MAG: variants seen among roughly 807,000 people sequenced by gnomAD.
The protein encoded by MAG is myelin associated glycoprotein.
MAG carries 30 observed loss-of-function variants against 60.7 expected under a neutral mutation model. The ratio of observed to expected loss-of-function variants is 0.49; its 90% CI spans 0.37 to 0.67. MAG has a LOEUF of 0.67. MAG is among the 30% of genes least tolerant of loss of function. MAG has a pLI of 0.00. For missense variants in MAG, 795 were observed against 851.7 expected (o/e 0.93, Z 0.83); for synonymous variants, 384 against 376.8 (o/e 1.02, Z -0.22).
In MAG at chr19:35,309,553, T is replaced by A. The variant is rs115304039; in HGVS notation, c.1232-321T>A. Among the ~76,000 whole-genome samples, 1,425 of 152,250 alleles carry A rather than the reference T, an allele frequency of 9.4e-3. 32 individuals are homozygous for A. The highest frequency in any genetic ancestry group is 0.032 in the African/African-American group (1,348 of 41,540). On this transcript the variant is annotated intron_variant, in intron 7 of 10. Transcript: ENST00000392213. ...CTTCGGCCTCGCAAAGTGCTAGGAT[T>A]ACAGCAGTGAGCCACCATGCCCGGC... is the stretch of plus-strand genomic sequence containing the variant.
intron 6 of MAG, among the ~76,000 whole-genome samples, chr19:35,301,259 T>C (rs2145613751): frequency 6.6e-6 from 1 of 152,234 alleles, no homozygotes; most frequent in East Asian, 1.9e-4. Context: ...TGTATGCACA[T>C]TTATATTACT....
At chr19:35,311,568 C>A (rs2066527306) in intron 9 of MAG, among the ~76,000 whole-genome samples, 1 of 152,352 alleles carries the variant, frequency 6.6e-6, no homozygotes, top group East Asian at 1.9e-4. Context: ...TCTTGTGGCA[C>A]ACACACATCA....
At chr19:35,301,802 G>A (rs994019234) in intron 6 of MAG, among the ~76,000 whole-genome samples, 1 of 152,024 alleles carries the variant, frequency 6.6e-6, no homozygotes, top group Non-Finnish European at 1.5e-5. Context: ...CTGACCTCAG[G>A]TGACCTGCCT....
intron 7 of MAG, among the ~76,000 whole-genome samples, chr19:35,303,310 C>T (rs912800187): frequency 1.3e-5 from 2 of 152,210 alleles, no homozygotes; most frequent in African/African-American, 4.8e-5. Context: ...TGATCTCTAA[C>T]CTGTGTAGAG....
At position 35,295,469 on chromosome 19, in the gene MAG, G is replaced by GT; in HGVS notation, c.46+16dup. On this transcript the variant is annotated intron_variant, in intron 3 of 10. Coordinates refer to ENST00000392213, the MANE Select transcript of MAG (RefSeq NM_002361.4). This position sits in a 1 kb window ranked among gnomAD's most constrained non-coding sequence, Gnocchi z 5.8. ...TATGATTTCAGGTAACGGCTGACAG[G>GT]TGCTGGGGACCTAAAGGCTTTGGCC... 6.2e-7 allele frequency: 1 copy of GT among 1,614,052 alleles called. No individual in the cohort carries two copies. Among genetic ancestry groups the GT allele is most frequent in the Non-Finnish European group, 8.5e-7 (1 of 1,180,002 alleles).
chr19:35,301,117 G>A (rs1050821434), intron 6 of MAG, among the ~76,000 whole-genome samples: 3 of 152,086 alleles, frequency 2.0e-5, no homozygotes, highest in Admixed American at 2.0e-4. Context: ...TGATCCTCCC[G>A]CCTCAGCCTC....
chr19:35,311,824 G>A (rs1438857394), intron 9 of MAG, 94 bp from the exon 10 acceptor site: 3 of 776,312 alleles, frequency 3.9e-6, no homozygotes, highest in Non-Finnish European at 6.6e-6. Flanking sequence ...GAGATGGGTG[G>A]GAGAACTCTG....
intron 9 of MAG, 55 bp from the exon 10 acceptor site, chr19:35,311,863 C>G: frequency 7.7e-7 from 1 of 1,291,078 alleles, no homozygotes; most frequent in Non-Finnish European, 1.1e-6. Context: ...TCCTAAAACA[C>G]GTGGGGGTGC....
rs1014296409 is a variant in MAG at position 35,293,517 on chromosome 19, C to T, written c.-79-718C>T. 6.6e-6 allele frequency among the ~76,000 whole-genome samples: 1 copy of T among 152,072 alleles called. No homozygotes were observed. The highest frequency in any genetic ancestry group is 1.5e-5 in the Non-Finnish European group (1 of 68,010). ...GGCTACATCTGTCACATTTCATCCC[C>T]GCGATTGGATGTGTCTGTGCATGTG... is the stretch of plus-strand genomic sequence containing the variant. On this transcript the variant is annotated intron_variant, in intron 1 of 10. Coordinates refer to ENST00000392213, the MANE Select transcript of MAG (RefSeq NM_002361.4). The surrounding 1 kb of genome is among the most constrained non-coding windows in gnomAD (Gnocchi z 4.0).
rs777606791 is a variant in MAG, at chr19:35,300,160, T to C, written c.726T>C (p.Ile242=). ...ASMDVKYPPV[I]VEMNSSVEAI... ...CGCGGGCCTTAGACCCCCCGGTGAT[T>C]GTGGAGATGAACTCCTCGGTGGAGG... The change falls in exon 6 of 11, where the codon ATT becomes ATC. Residue 242 remains isoleucine, a synonymous_variant. Transcript: ENST00000392213. 1.3e-6 allele frequency: 2 copies of C among 1,538,976 alleles called. No homozygotes were observed. Among genetic ancestry groups the C allele is most frequent in the Non-Finnish European group, 8.8e-7 (1 of 1,138,802 alleles).
At chr19:35,311,058 C>T (rs1056980664) in intron 9 of MAG, among the ~76,000 whole-genome samples, 4 of 152,132 alleles carry the variant, frequency 2.6e-5, no homozygotes, top group Non-Finnish European at 5.9e-5. Flanking sequence ...CTTGGCCGGG[C>T]GCGTTGACTC....
chr19:35,307,044 G>A (rs958731774), intron 7 of MAG, among the ~76,000 whole-genome samples: 4 of 152,256 alleles, frequency 2.6e-5, no homozygotes, highest in Admixed American at 1.3e-4. Flanking sequence ...GGGTGTCGGC[G>A]TTCCGCCGAC....
At position 35,313,505 on chromosome 19, in the gene MAG, C is replaced by T; in HGVS notation, c.*51C>T. The T allele has an allele frequency of 2.0e-6, 3 of 1,523,276 alleles. No homozygotes were observed. The highest frequency in any genetic ancestry group is 2.6e-6 in the Non-Finnish European group (3 of 1,133,502). 94.4% of individuals were successfully genotyped at this position (1,523,276 alleles called of 1,614,324 possible). A position where few individuals can be genotyped will look rare whatever the true frequency, so the allele number is the denominator to read the frequency against. On this transcript the variant is annotated 3_prime_UTR_variant, in exon 11 of 11. Coordinates refer to ENST00000392213, the MANE Select transcript of MAG (RefSeq NM_002361.4). ...TGACCCCCCTCAGGACCCTCGCTGG[C>T]CCCCACTGGCTGTGGGCTCCCTTCC...
Position 35,310,146 on chromosome 19 carries a change from C to T in MAG, c.1504C>T (p.Pro502Ser). 1 of 1,606,726 alleles carries T rather than the reference C, an allele frequency of 6.2e-7. No individual in the cohort carries two copies. Among genetic ancestry groups the T allele is most frequent in the East Asian group, 2.2e-5 (1 of 44,720 alleles). The change falls in exon 8 of 11, where the codon CCC becomes TCC. Residue 502 changes from proline (P) to serine (S), a missense_variant. By Grantham distance (74) the Pro-to-Ser change is moderately conservative. Coordinates refer to ENST00000392213, the MANE Select transcript of MAG (RefSeq NM_002361.4). ...NLYGAKSLELPFQGAHRLMWA... is the reference protein window; with the variant it reads ...NLYGAKSLELSFQGAHRLMWA... ...CTATGGCGCCAAGAGCCTGGAGCTG[C>T]CCTTCCAGGGAGCCCGTGAGTGGCG... is the stretch of plus-strand genomic sequence containing the variant.
chr19:35,294,152 C>T (rs543874162), intron 1 of MAG, 83 bp from the exon 2 acceptor site: 4 of 337,198 alleles, frequency 1.2e-5, no homozygotes, highest in Middle Eastern at 4.1e-4. Flanking sequence ...AGGTCACAAC[C>T]CATGCAGGAG....
chr19:35,295,520 CG>C lies in MAG; in HGVS notation c.46+67del. ...CCTGAGCAGGTTGGAGGTGGGTCCC[CG>C]CAGCCCCCCGGCATGTGGTTGGGGA... On this transcript the variant is annotated intron_variant, in intron 3 of 10. Transcript: ENST00000392213. This position sits in a 1 kb window ranked among gnomAD's most constrained non-coding sequence, Gnocchi z 5.8. 1 of 1,608,620 alleles carries C rather than the reference CG, an allele frequency of 6.2e-7. No homozygotes were observed. Among genetic ancestry groups the C allele is most frequent in the Non-Finnish European group, 8.5e-7 (1 of 1,177,266 alleles).
chr19:35,307,122 G>A (rs1040501644), intron 7 of MAG, among the ~76,000 whole-genome samples: 36 of 152,388 alleles, frequency 2.4e-4, no homozygotes, highest in African/African-American at 7.9e-4. Context: ...CTTTGAAAAA[G>A]TTTTATGTCT....
chr19:35,304,848 T>A (rs1455999045), intron 7 of MAG, among the ~76,000 whole-genome samples: 2 of 152,144 alleles, frequency 1.3e-5, no homozygotes, highest in African/African-American at 4.8e-5. Flanking sequence ...CCTATCTGGC[T>A]CATTTTCAAT....
intron 4 of MAG, 65 bp from the exon 5 acceptor site, chr19:35,299,489 G>A: frequency 3.5e-6 from 4 of 1,155,442 alleles, no homozygotes; most frequent in Non-Finnish European, 4.9e-6. Flanking sequence ...GAGGGTGGGT[G>A]GGGTGGGACC....
Sources: gnomAD v4.1 joint callset for allele counts (sites outside exome capture counted in the v4.1 genomes callset) on GRCh38, gnomAD v4.1.1 for gene constraint, Gnocchi (gnomAD v3.1) non-coding constraint, MANE v1.5 for transcripts, NCBI Gene and HGNC (gene_info 2026-07-23, HGNC 2026-07-21) for gene names.